The following CCSER1 variants were observed in gnomAD, a reference collection of about 807,000 sequenced individuals.
CCSER1 encodes serine-rich coiled-coil domain-containing protein 1.
Under a neutral mutation model 82.0 loss-of-function variants are expected in CCSER1, and 41 were observed. The ratio of observed to expected loss-of-function variants is 0.50; its 90% CI spans 0.39 to 0.65. CCSER1 has a LOEUF of 0.65. Ranked by LOEUF, CCSER1 falls within the 30% of genes least tolerant of loss-of-function variation. CCSER1 has a pLI of 0.00. For missense variants in CCSER1, 1,119 were observed against 1,064.2 expected, an observed-to-expected ratio of 1.05 and a Z score of -0.72; for synonymous variants, 414 against 383.9, an observed-to-expected ratio of 1.08 and a Z score of -0.92.
chr4:91,141,210 GTGGCACAATCTCGGCTCAC>G (rs1728994134), intron 10 of CCSER1, among the ~76,000 whole-genome samples: 1 of 151,088 alleles, frequency 6.6e-6, no homozygotes, highest in African/African-American at 2.4e-5. Context: ...CTGGAGTGAA[GTGGCACAATCTCGGCTCAC>G]TGCAACCTCT....
chr4:90,505,298 G>A (rs1770528692), intron 5 of CCSER1, among the ~76,000 whole-genome samples: 1 of 152,214 alleles, frequency 6.6e-6, no homozygotes, highest in South Asian at 2.1e-4. Flanking sequence ...CTGCAACTGG[G>A]CTTCAAAGCC....
intron 8 of CCSER1, among the ~76,000 whole-genome samples, chr4:90,820,179 G>A (rs1759545361): frequency 6.6e-6 from 1 of 152,152 alleles, no homozygotes; most frequent in South Asian, 2.1e-4. Flanking sequence ...TGAGTTTCTT[G>A]TCCTACCTCT....
intron 8 of CCSER1, among the ~76,000 whole-genome samples, chr4:90,826,946 G>A (rs116833330): frequency 0.032 from 4,925 of 152,220 alleles, 112 homozygotes; most frequent in Non-Finnish European, 0.049. Flanking sequence ...CCCAGAAGTG[G>A]GGGGTCTTTC....
intron 10 of CCSER1, among the ~76,000 whole-genome samples, chr4:91,306,509 T>G (rs1745082941): frequency 6.6e-6 from 1 of 152,010 alleles, no homozygotes; most frequent in Admixed American, 6.6e-5. Context: ...TCAGCTTCCC[T>G]TTTACTAGCA....
chr4:90,522,523 C>T (rs536607618), intron 5 of CCSER1, among the ~76,000 whole-genome samples: 38 of 152,160 alleles, frequency 2.5e-4, no homozygotes, highest in South Asian at 8.3e-4. Context: ...GATATCTCCA[C>T]ATGGCTCCAC....
At chr4:90,918,634 G>GATATATATAAATATAT (rs1363853552) in intron 8 of CCSER1, among the ~76,000 whole-genome samples, 1 of 148,870 alleles carries the variant, frequency 6.7e-6, no homozygotes, top group Non-Finnish European at 1.5e-5. Flanking sequence ...GCTCATTCAA[G>GATATATATAAATATAT]AGAGATATAT....
chr4:90,831,530 T>G (rs1163348746), intron 8 of CCSER1, among the ~76,000 whole-genome samples: 1 of 152,182 alleles, frequency 6.6e-6, no homozygotes, highest in Non-Finnish European at 1.5e-5. Flanking sequence ...TGTTGAAGAT[T>G]GGCTACATAA....
In CCSER1 at chr4:90,137,832, C is replaced by A. The variant is rs567940849; in HGVS notation, c.-42+10001C>A. ...ATCATAGAGTCTGCTGTTGCAGATG[C>A]TACGTTACTTAACTGCAGTTACTAA... is the stretch of plus-strand genomic sequence containing the variant. On this transcript the variant is annotated intron_variant, in intron 1 of 10. Transcript: ENST00000509176. Among the ~76,000 whole-genome samples the A allele has an allele frequency of 3.3e-5, 5 of 152,290 alleles. No individual in the cohort carries two copies. The South Asian group carries it at 1.0e-3, about 32-fold the overall frequency.
chr4:90,433,496 T>C (rs1326859323), intron 4 of CCSER1, among the ~76,000 whole-genome samples: 1 of 152,090 alleles, frequency 6.6e-6, no homozygotes, highest in East Asian at 1.9e-4. Flanking sequence ...TCAAAACTAT[T>C]TTCATAATGA....
intron 7 of CCSER1, among the ~76,000 whole-genome samples, chr4:90,807,307 G>C (rs931992106): frequency 6.6e-6 from 1 of 152,134 alleles, no homozygotes; most frequent in Admixed American, 6.6e-5. Flanking sequence ...GAGTCTAGGA[G>C]TATAAGTATT....
chr4:90,615,846 A>T (rs997611448), intron 5 of CCSER1, among the ~76,000 whole-genome samples: 1 of 152,194 alleles, frequency 6.6e-6, no homozygotes, highest in African/African-American at 2.4e-5. Context: ...TCTGGGTAAA[A>T]TGCTACCAAA....
chr4:91,253,267 GTTTTC>G (rs1236492728), intron 10 of CCSER1, among the ~76,000 whole-genome samples: 1 of 152,014 alleles, frequency 6.6e-6, no homozygotes, highest in African/African-American at 2.4e-5. Flanking sequence ...TCTGAATAAC[GTTTTC>G]TTTTCTCTGG....
rs576191077 is a variant in CCSER1 at position 91,201,561 on chromosome 4, T to G, written c.2217+115567T>G. The stretch of plus-strand genomic sequence containing the variant: ...CAGATTGCACTAGGGTGTCAAATCT[T>G]GGAGTACAATAAATACTAGAATTGT... On this transcript the variant is annotated intron_variant, in intron 10 of 10. Coordinates refer to ENST00000509176, the MANE Select transcript of CCSER1 (RefSeq NM_001145065.2). Among the ~76,000 whole-genome samples, 4 of 152,192 alleles carry G rather than the reference T, an allele frequency of 2.6e-5. No homozygotes were observed. In the East Asian group the frequency reaches 5.8e-4, roughly 22 times the overall value.
At chr4:90,492,902 A>G (rs911894228) in intron 5 of CCSER1, among the ~76,000 whole-genome samples, 7 of 152,044 alleles carry the variant, frequency 4.6e-5, no homozygotes, top group Admixed American at 1.3e-4. Context: ...TAAAGCTTCT[A>G]TTCTTTTACA....
chr4:90,866,622 T>G (rs1765761829), intron 8 of CCSER1, among the ~76,000 whole-genome samples: 1 of 152,094 alleles, frequency 6.6e-6, no homozygotes, highest in Non-Finnish European at 1.5e-5. Context: ...GTAGCAAGGC[T>G]ATGGATATGA....
At chr4:90,230,060 A>G (rs1744137319) in intron 1 of CCSER1, among the ~76,000 whole-genome samples, 3 of 152,178 alleles carry the variant, frequency 2.0e-5, no homozygotes, top group Admixed American at 2.0e-4. Flanking sequence ...TAGACAGATC[A>G]ACGAGACAGA....
At chr4:91,049,402 T>C (rs910374043) in intron 9 of CCSER1, among the ~76,000 whole-genome samples, 1 of 152,126 alleles carries the variant, frequency 6.6e-6, no homozygotes, top group Admixed American at 6.6e-5. Flanking sequence ...ACACAACAAA[T>C]GGTGATATCA....
At chr4:90,829,212 T>A (rs1760841426) in intron 8 of CCSER1, among the ~76,000 whole-genome samples, 1 of 152,052 alleles carries the variant, frequency 6.6e-6, no homozygotes, top group Non-Finnish European at 1.5e-5. Flanking sequence ...CCATGAAAAC[T>A]TTTCAAAAAT....
chr4:90,866,896 C>A (rs912307756), intron 8 of CCSER1, among the ~76,000 whole-genome samples: 16 of 151,966 alleles, frequency 1.1e-4, no homozygotes, highest in Non-Finnish European at 1.8e-4. Flanking sequence ...AGGATTCACA[C>A]CCCCATGAGA....
Sources: allele counts gnomAD v4.1 joint callset (sites outside exome capture counted in the v4.1 genomes callset), GRCh38; gene constraint gnomAD v4.1.1; transcripts MANE v1.5; gene names NCBI Gene and HGNC (gene_info 2026-07-23, HGNC 2026-07-21).